NLGN1: variants seen among roughly 807,000 people sequenced by gnomAD.
The protein encoded by NLGN1 is neuroligin 1.
In NLGN1, 12 loss-of-function variants were observed where a neutral mutation model predicts 65.5. The observed-to-expected ratio is 0.18, with a 90% CI of 0.12 to 0.30. The LOEUF is 0.30. Among genes scored for constraint, NLGN1 ranks in the 10% least tolerant of loss-of-function variants. The probability of loss-of-function intolerance (pLI) is 1.00; values close to 1 mark genes in which losing one functional copy is unlikely to be tolerated. For missense variants in NLGN1, 750 were observed against 1,007.1 expected (o/e 0.74, Z 3.46); for synonymous variants, 350 against 359.5 (o/e 0.97, Z 0.30).
intron 4 of NLGN1, among the ~76,000 whole-genome samples, chr3:173,988,674 T>C (rs1720456805): frequency 6.6e-6 from 1 of 152,274 alleles, no homozygotes; most frequent in East Asian, 1.9e-4. Flanking sequence ...ACCTTCTCTC[T>C]TCTACTTTTT....
intron 4 of NLGN1, among the ~76,000 whole-genome samples, chr3:174,075,547 C>T (rs987559009): frequency 2.0e-5 from 3 of 152,048 alleles, no homozygotes; most frequent in Non-Finnish European, 4.4e-5. Flanking sequence ...TACGACTTGC[C>T]CAGGAATTAC....
chr3:174,109,336 T>C (rs1412442178), intron 4 of NLGN1, among the ~76,000 whole-genome samples: 1 of 152,062 alleles, frequency 6.6e-6, no homozygotes, highest in African/African-American at 2.4e-5. Context: ...CTCCTATGAC[T>C]GTGCATTATT....
chr3:173,509,636 A>C (rs1732601285), intron 2 of NLGN1, among the ~76,000 whole-genome samples: 1 of 152,162 alleles, frequency 6.6e-6, no homozygotes, highest in African/African-American at 2.4e-5. Flanking sequence ...TAAATGAATA[A>C]ATTATAAATA....
chr3:173,992,916 CT>C (rs1339086460), intron 4 of NLGN1, among the ~76,000 whole-genome samples: 1 of 151,962 alleles, frequency 6.6e-6, no homozygotes, highest in Non-Finnish European at 1.5e-5. Context: ...TTTTTTTCTC[CT>C]GTTGGAATGG....
At chr3:173,634,490 A>G (rs1461763234) in intron 3 of NLGN1, among the ~76,000 whole-genome samples, 2 of 152,108 alleles carry the variant, frequency 1.3e-5, no homozygotes, top group Non-Finnish European at 2.9e-5. Context: ...ATGACACAAT[A>G]CATACCATTA....
intron 4 of NLGN1, among the ~76,000 whole-genome samples, chr3:174,219,860 A>G (rs1738309272): frequency 6.6e-6 from 1 of 152,196 alleles, no homozygotes; most frequent in Non-Finnish European, 1.5e-5. Context: ...AAGATACACC[A>G]TCAGAAAATA....
chr3:173,603,162 A>G (rs1174300418), intron 2 of NLGN1, among the ~76,000 whole-genome samples: 1 of 152,160 alleles, frequency 6.6e-6, no homozygotes, highest in African/African-American at 2.4e-5. Flanking sequence ...TATACAGGAT[A>G]GAACCATCTC....
At chr3:174,196,829 G>A (rs766866139) in intron 4 of NLGN1, among the ~76,000 whole-genome samples, 8 of 152,268 alleles carry the variant, frequency 5.3e-5, no homozygotes, top group Admixed American at 2.6e-4. Flanking sequence ...CGCCAAGATT[G>A]TACTTGAAAT....
rs942140546 is a variant in NLGN1 at position 174,098,336 on chromosome 3, G to GA, written c.647-176970dup. Among the ~76,000 whole-genome samples, 64 of 150,788 alleles carry GA rather than the reference G, an allele frequency of 4.2e-4. No individual in the cohort carries two copies. In the South Asian group the frequency reaches 8.0e-3, roughly 19 times the overall value. ...GTAAAATGTGTTCTTACAACAAAAG[G>GA]AAAAAAAAATTAAGAGGAAGCTTGT... On this transcript the variant is annotated intron_variant, in intron 4 of 6. Coordinates refer to ENST00000457714, the Ensembl canonical transcript of NLGN1.
chr3:173,434,751 C>T (rs1240491276), intron 1 of NLGN1, among the ~76,000 whole-genome samples: 3 of 152,082 alleles, frequency 2.0e-5, no homozygotes, highest in African/African-American at 7.2e-5. Flanking sequence ...GTTATTTATC[C>T]AATTTTCAGT....
At chr3:173,506,124 T>A (rs1010893908) in intron 2 of NLGN1, among the ~76,000 whole-genome samples, 10 of 152,072 alleles carry the variant, frequency 6.6e-5, no homozygotes, top group Non-Finnish European at 1.2e-4. Flanking sequence ...TTAACCATAC[T>A]TTTTACAAAA....
At chr3:173,546,977 C>T (rs948710346) in intron 2 of NLGN1, among the ~76,000 whole-genome samples, 21 of 152,010 alleles carry the variant, frequency 1.4e-4, no homozygotes, top group African/African-American at 5.1e-4. Context: ...ATAATGTGCC[C>T]TCTTATTATA....
Position 173,772,614 on chromosome 3 carries a change from G to A in NLGN1, c.494-35066G>A, listed in dbSNP as rs779964224. Among the ~76,000 whole-genome samples the A allele has an allele frequency of 3.9e-5, 6 of 152,032 alleles. No homozygotes were observed. The South Asian group carries it at 1.2e-3, about 32-fold the overall frequency. ...GCCTGGGCAACAGGAGTGAGATTCC[G>A]TCCCACTTAGATAACAATAAAAACA... On this transcript the variant is annotated intron_variant, in intron 3 of 6. Coordinates refer to ENST00000457714, the Ensembl canonical transcript of NLGN1.
At chr3:173,773,863 T>A (rs941746276) in intron 3 of NLGN1, among the ~76,000 whole-genome samples, 14 of 152,152 alleles carry the variant, frequency 9.2e-5, no homozygotes, top group Non-Finnish European at 1.6e-4. Context: ...AAATTAGATG[T>A]TGGAGGAGAA....
intron 4 of NLGN1, among the ~76,000 whole-genome samples, chr3:174,217,185 G>C (rs995295876): frequency 6.6e-6 from 1 of 152,086 alleles, no homozygotes; most frequent in African/African-American, 2.4e-5. Context: ...TGCCTCTGAT[G>C]TCACATGGGG....
At chr3:174,035,568 T>C (rs932179619) in intron 4 of NLGN1, among the ~76,000 whole-genome samples, 1 of 152,128 alleles carries the variant, frequency 6.6e-6, no homozygotes, top group African/African-American at 2.4e-5. Flanking sequence ...TGGGTTGATG[T>C]GTTTGGTATG....
At chr3:173,716,609 G>T (rs1769893592) in intron 3 of NLGN1, among the ~76,000 whole-genome samples, 1 of 151,940 alleles carries the variant, frequency 6.6e-6, no homozygotes, top group South Asian at 2.1e-4. Flanking sequence ...TTCTTCCCGG[G>T]GGCTGAATGC....
chr3:173,489,192 A>G (rs925933909), intron 2 of NLGN1, among the ~76,000 whole-genome samples: 46 of 151,854 alleles, frequency 3.0e-4, no homozygotes, highest in Non-Finnish European at 4.1e-4. Context: ...CAATTAACTC[A>G]TCATTTACAT....
chr3:173,844,867 G>A (rs1330114114), intron 4 of NLGN1, among the ~76,000 whole-genome samples: 3 of 152,110 alleles, frequency 2.0e-5, no homozygotes, highest in East Asian at 1.9e-4. Context: ...CATTTAAGGC[G>A]GTTCATAGTC....
Sources: gnomAD v4.1 joint callset for allele counts (sites outside exome capture counted in the v4.1 genomes callset) on GRCh38, gnomAD v4.1.1 for gene constraint, MANE v1.5 for transcripts, NCBI Gene and HGNC (gene_info 2026-07-23, HGNC 2026-07-21) for gene names.